The following CLASP1 variants were observed in gnomAD, a reference collection of about 807,000 sequenced individuals.
The protein encoded by CLASP1 is CLIP-associating protein 1.
A neutral mutation model predicts 192.3 loss-of-function variants in CLASP1; 38 were observed. The observed-to-expected ratio is 0.20, with a 90% CI of 0.15 to 0.26. CLASP1 has a LOEUF of 0.26. Among genes scored for constraint, CLASP1 ranks in the 10% least tolerant of loss-of-function variants. The probability of loss-of-function intolerance (pLI) is 1.00; values close to 1 mark genes in which losing one functional copy is unlikely to be tolerated. For missense variants in CLASP1, 1,433 were observed against 1,932.5 expected, an observed-to-expected ratio of 0.74 and a Z score of 4.85; for synonymous variants, 691 against 712.8, an observed-to-expected ratio of 0.97 and a Z score of 0.49.
At chr2:121,450,127 C>G (rs1386521424) in intron 16 of CLASP1, among the ~76,000 whole-genome samples, 1 of 151,994 alleles carries the variant, frequency 6.6e-6, no homozygotes, top group Admixed American at 6.6e-5. Flanking sequence ...GTCAGGAGAT[C>G]GAGACTATCC....
chr2:121,378,762 C>T (rs1393925976), intron 33 of CLASP1, among the ~76,000 whole-genome samples: 3 of 151,942 alleles, frequency 2.0e-5, no homozygotes, highest in Admixed American at 2.0e-4. Context: ...TAGGGACACG[C>T]GAAGAATCCT....
At chr2:121,431,109 C>G (rs1394362813) in intron 19 of CLASP1, among the ~76,000 whole-genome samples, 1 of 152,022 alleles carries the variant, frequency 6.6e-6, no homozygotes, top group Non-Finnish European at 1.5e-5. Context: ...AAAATCACTT[C>G]TACCCCCACA....
chr2:121,415,592 T>C (rs959381953), intron 23 of CLASP1, among the ~76,000 whole-genome samples: 3 of 152,234 alleles, frequency 2.0e-5, no homozygotes, highest in Non-Finnish European at 4.4e-5. Context: ...CATTAACTTA[T>C]TGACTACAGT....
chr2:121,395,186 T>C (rs7595601), intron 30 of CLASP1, among the ~76,000 whole-genome samples: 30,469 of 151,782 alleles, frequency 0.2, 5,696 homozygotes, highest in African/African-American at 0.49. Context: ...TGTTTCAGCC[T>C]TTGAGACACC....
At chr2:121,397,279 T>C (rs2075433324) in exon 30 of CLASP1, 2 of 1,613,258 alleles carry the variant, frequency 1.2e-6, no homozygotes, top group Admixed American at 3.3e-5. Flanking sequence ...GATTGCAACT[T>C]TGACCTGAAA....
intron 8 of CLASP1, among the ~76,000 whole-genome samples, chr2:121,486,570 C>T (rs891875643): frequency 2.6e-5 from 4 of 152,174 alleles, no homozygotes; most frequent in African/African-American, 9.7e-5. Context: ...ACACCCTGTG[C>T]TCTTTTGGAA....
intron 1 of CLASP1, among the ~76,000 whole-genome samples, chr2:121,634,306 G>C (rs1300307901): frequency 6.6e-6 from 1 of 152,144 alleles, no homozygotes; most frequent in East Asian, 1.9e-4. Context: ...TACACAGTTT[G>C]TTCAATCTCT....
chr2:121,422,297 TAGAC>T (rs2079639753), intron 22 of CLASP1, among the ~76,000 whole-genome samples: 1 of 152,240 alleles, frequency 6.6e-6, no homozygotes, highest in Non-Finnish European at 1.5e-5. Flanking sequence ...GTCTTGGTCT[TAGAC>T]AGTAGTCTAA....
chr2:121,340,833 A>G (rs372687335), exon 40 of CLASP1: 5 of 1,573,792 alleles, frequency 3.2e-6, no homozygotes, highest in South Asian at 1.1e-5. Flanking sequence ...GATTGCTTCT[A>G]GGTCTACACA....
intron 5 of CLASP1, among the ~76,000 whole-genome samples, chr2:121,526,822 GA>G (rs1236750451): frequency 1.9e-4 from 29 of 151,142 alleles, no homozygotes; most frequent in Non-Finnish European, 2.9e-5. Flanking sequence ...TTCATAATCA[GA>G]AAAAAAGGCT....
At chr2:121,407,300 CTG>C (rs1435223406) in intron 25 of CLASP1, among the ~76,000 whole-genome samples, 169 bp downstream of exon 26, 1 of 151,998 alleles carries the variant, frequency 6.6e-6, no homozygotes, top group Non-Finnish European at 1.5e-5. Flanking sequence ...ATGGCAAGGA[CTG>C]TGTCTTAGTC....
intron 8 of CLASP1, among the ~76,000 whole-genome samples, chr2:121,502,083 T>C (rs77164672): frequency 0.052 from 7,849 of 152,230 alleles, 682 homozygotes; most frequent in African/African-American, 0.18. Context: ...CCTCTCCTTC[T>C]GGAATCACAA....
At chr2:121,419,483 A>C (rs1005609719) in intron 22 of CLASP1, among the ~76,000 whole-genome samples, 8 of 152,202 alleles carry the variant, frequency 5.3e-5, no homozygotes, top group Admixed American at 6.5e-5. Context: ...CCAGTCTTTC[A>C]CACTGTGTCT....
At chr2:121,627,773 G>T (rs1268444399) in intron 1 of CLASP1, among the ~76,000 whole-genome samples, 1 of 151,972 alleles carries the variant, frequency 6.6e-6, no homozygotes, top group African/African-American at 2.4e-5. Flanking sequence ...CTGAAATGAG[G>T]GCTTTAGAGA....
At chr2:121,613,149 G>A (rs547277908) in intron 1 of CLASP1, among the ~76,000 whole-genome samples, 101 of 152,268 alleles carry the variant, frequency 6.6e-4, no homozygotes, top group Non-Finnish European at 1.0e-3. Context: ...TCAGTCACCT[G>A]AGAAAAGGGA....
intron 8 of CLASP1, among the ~76,000 whole-genome samples, chr2:121,478,641 A>C (rs2091965916): frequency 3.1e-5 from 3 of 96,788 alleles, no homozygotes; most frequent in African/African-American, 1.0e-4. Flanking sequence ...ACACACACAC[A>C]CACCCCCCAC....
intron 1 of CLASP1, among the ~76,000 whole-genome samples, chr2:121,607,515 C>T (rs1267854283): frequency 6.6e-6 from 1 of 152,204 alleles, no homozygotes; most frequent in African/African-American, 2.4e-5. Context: ...GTTCTAACTA[C>T]ACAAATTGCA....
At chr2:121,647,321 T>C (rs550773434) in intron 1 of CLASP1, among the ~76,000 whole-genome samples, 5 of 152,166 alleles carry the variant, frequency 3.3e-5, no homozygotes, top group East Asian at 1.9e-4. Flanking sequence ...TGAGCTGAGA[T>C]TGCACCATTG....
chr2:121,507,695 A>T (rs115199363), intron 7 of CLASP1, among the ~76,000 whole-genome samples: 308 of 152,332 alleles, frequency 2.0e-3, no homozygotes, highest in Non-Finnish European at 3.0e-3. Flanking sequence ...AACAGGATAA[A>T]CTTAAAGAGA....
Sources: allele counts gnomAD v4.1 joint callset (sites outside exome capture counted in the v4.1 genomes callset), GRCh38; gene constraint gnomAD v4.1.1; transcripts MANE v1.5; gene names NCBI Gene and HGNC (gene_info 2026-07-23, HGNC 2026-07-21).